PODXL: variants seen among roughly 807,000 people sequenced by gnomAD.
PODXL encodes the protein podocalyxin.
A neutral mutation model predicts 48.9 loss-of-function variants in PODXL; 20 were observed. The ratio of observed to expected loss-of-function variants is 0.41; its 90% CI spans 0.29 to 0.59. The LOEUF (loss-of-function observed/expected upper bound fraction) is 0.59. Among genes scored for constraint, PODXL ranks in the 20% least tolerant of loss-of-function variants. PODXL has a pLI of 0.31. For synonymous variants in PODXL, 295 were observed against 287.4 expected, an observed-to-expected ratio of 1.03 and a Z score of -0.27; for missense variants, 606 against 675.1, an observed-to-expected ratio of 0.90 and a Z score of 1.13.
intron 1 of PODXL, among the ~76,000 whole-genome samples, chr7:131,532,412 G>A (rs1798294989): frequency 6.7e-6 from 1 of 149,610 alleles, no homozygotes; most frequent in Non-Finnish European, 1.5e-5. Context: ...CTCCAGCCTG[G>A]GCGACAAAGC....
At chr7:131,534,526 CG>C (rs1427979397) in intron 1 of PODXL, among the ~76,000 whole-genome samples, 7 of 143,178 alleles carry the variant, frequency 4.9e-5, no homozygotes, top group African/African-American at 1.8e-4. Context: ...GGGTGGCCGG[CG>C]GGGGTAGGCA....
rs540443512 is a variant in PODXL at position 131,505,828 on chromosome 7, C to CT, written c.1479+39dup. The CT allele has an allele frequency of 2.4e-3, 3,708 of 1,525,520 alleles. 7 individuals are homozygous for CT. Among genetic ancestry groups the CT allele is most frequent in the Non-Finnish European group, 2.6e-3 (2,958 of 1,135,126 alleles). The allele number at this position is 1,525,520 out of a possible 1,614,324, so 94.5% of individuals were successfully genotyped here. On this transcript the variant is annotated intron_variant, in intron 8 of 8. Transcript: ENST00000378555. Reference sequence around the variant, plus strand: ...ACGAGGGGAGGGTTCCTCTGGTGACCTGGGCTGCTTCCCCTGTGTGGCTGC... The same window carrying CT: ...ACGAGGGGAGGGTTCCTCTGGTGACCTTGGGCTGCTTCCCCTGTGTGGCTGC...
intron 1 of PODXL, among the ~76,000 whole-genome samples, chr7:131,542,675 A>T (rs1798502179): frequency 6.6e-6 from 1 of 152,136 alleles, no homozygotes; most frequent in Non-Finnish European, 1.5e-5. Context: ...CAACAGCAAT[A>T]ACAGCAACAA....
At chr7:131,517,348 T>C (rs1283473608) in intron 1 of PODXL, among the ~76,000 whole-genome samples, 1 of 152,182 alleles carries the variant, frequency 6.6e-6, no homozygotes, top group East Asian at 1.9e-4. Context: ...GTGTGCTCTT[T>C]AGGATCAGAA....
At chr7:131,523,952 C>T (rs1562909483) in intron 1 of PODXL, among the ~76,000 whole-genome samples, 1 of 151,606 alleles carries the variant, frequency 6.6e-6, no homozygotes. Flanking sequence ...GTGCACGCCA[C>T]CACGCCCAGT....
Position 131,501,577 on chromosome 7 carries a change from C to G in PODXL, c.*2734G>C, listed in dbSNP as rs1045046. 57,025 of 152,044 alleles carry G rather than the reference C, an allele frequency of 0.38. 10,851 individuals are homozygous for G. The highest frequency in any genetic ancestry group is 0.48 in the East Asian group (2,484 of 5,178). The allele number at this position is 152,044 out of a possible 1,614,324, so 9.4% of individuals were successfully genotyped here. Reference sequence around the variant, plus strand: ...AAGCTTTGCTGCCTGTCTCCCCACTCTCATGACAGTAGGCTTCCTAGTCAT... The same window carrying G: ...AAGCTTTGCTGCCTGTCTCCCCACTGTCATGACAGTAGGCTTCCTAGTCAT... On this transcript the variant is annotated 3_prime_UTR_variant, in exon 9 of 9. Coordinates refer to ENST00000378555, the MANE Select transcript of PODXL (RefSeq NM_001018111.3).
rs1354412877 is a variant in PODXL at position 131,538,853 on chromosome 7, A to G, written c.100+17407T>C. On this transcript the variant is annotated intron_variant, in intron 1 of 8. Transcript: ENST00000378555. ...TTGTCTAGGGACCACCAGCCTGCCC[A>G]GAGAAGGGGATGGGTTCTTCCTGAG... 4.6e-5 allele frequency among the ~76,000 whole-genome samples: 7 copies of G among 152,324 alleles called. No homozygotes were observed. The East Asian group carries it at 1.3e-3, about 29-fold the overall frequency.
In PODXL at chr7:131,556,569, G is replaced by A. The variant is rs1798752562; in HGVS notation, c.-210C>T. On this transcript the variant is annotated 5_prime_UTR_variant, in exon 1 of 9. Transcript: ENST00000378555. ...GGGCTGGGGCGCAGAGCCAGTGGCA[G>A]AGGAGCGGCGGCGGCGGCGGCTGCG... 2.1e-6 allele frequency: 1 copy of A among 487,442 alleles called. No individual in the cohort carries two copies. Among genetic ancestry groups the A allele is most frequent in the Non-Finnish European group, 3.1e-6 (1 of 320,648 alleles). 30.2% of individuals were successfully genotyped at this position (487,442 alleles called of 1,614,324 possible).
At chr7:131,509,298 C>T in intron 4 of PODXL, 67 bp downstream of exon 4, 1 of 1,289,116 alleles carries the variant, frequency 7.8e-7, no homozygotes, top group Non-Finnish European at 1.1e-6. Flanking sequence ...GAACAGAAAA[C>T]CTTGTCTTAA....
intron 1 of PODXL, among the ~76,000 whole-genome samples, chr7:131,527,462 CAG>C (rs977808647): frequency 2.0e-5 from 3 of 152,138 alleles, no homozygotes; most frequent in Non-Finnish European, 2.9e-5. Flanking sequence ...TAGGGGGAAA[CAG>C]GGAGATGCAA....
chr7:131,503,433 G>C lies in PODXL; in HGVS notation c.*878C>G, dbSNP rs139152845. On this transcript the variant is annotated 3_prime_UTR_variant, in exon 9 of 9. Coordinates refer to ENST00000378555, the MANE Select transcript of PODXL (RefSeq NM_001018111.3). ...TGGGTGGCCTCTGCAAGGAGTGCCA[G>C]GGGCAATGGGCCAGTGTTCCTGCTG... The C allele has an allele frequency of 7.9e-5, 12 of 152,424 alleles. No individual in the cohort carries two copies. Among genetic ancestry groups the C allele is most frequent in the Non-Finnish European group, 1.8e-4 (12 of 68,106 alleles). The allele number at this position is 152,424 out of a possible 1,614,324, so 9.4% of individuals were successfully genotyped here. A position where few individuals can be genotyped will look rare whatever the true frequency, so the allele number is the denominator to read the frequency against.
chr7:131,524,379 CAGAGAG>C (rs58163575), intron 1 of PODXL, among the ~76,000 whole-genome samples: 4,058 of 104,084 alleles, frequency 0.039, 160 homozygotes, highest in East Asian at 0.2. Context: ...CACACACACA[CAGAGAG>C]AGAGAGAGAG....
Position 131,500,850 on chromosome 7 carries a change from T to C in PODXL, c.*3461A>G, listed in dbSNP as rs1318968691. On this transcript the variant is annotated 3_prime_UTR_variant, in exon 9 of 9. Transcript: ENST00000378555. ...TAGCAATTCTTAATTTACCGATTAT[T>C]CCTTCTGAGGCGCACAGTCTGTGGA... 1 of 152,212 alleles carries C rather than the reference T, an allele frequency of 6.6e-6. No homozygotes were observed. Among genetic ancestry groups the C allele is most frequent in the African/African-American group, 2.4e-5 (1 of 41,444 alleles). 9.4% of individuals were successfully genotyped at this position (152,212 alleles called of 1,614,324 possible).
At chr7:131,507,899 C>T (rs1352379642) in intron 5 of PODXL, among the ~76,000 whole-genome samples, 2 of 152,180 alleles carry the variant, frequency 1.3e-5, no homozygotes, top group African/African-American at 4.8e-5. Context: ...ATAATGGACA[C>T]CCAAAAGAAA....
intron 1 of PODXL, among the ~76,000 whole-genome samples, chr7:131,555,613 G>A (rs866026113): frequency 6.6e-6 from 1 of 152,208 alleles, no homozygotes; most frequent in African/African-American, 2.4e-5. Flanking sequence ...AGAAGCGATT[G>A]TTTTAGGGAC....
intron 8 of PODXL, 27 bp downstream of exon 8, chr7:131,505,841 C>A: frequency 6.5e-7 from 1 of 1,541,624 alleles, no homozygotes; most frequent in Non-Finnish European, 8.7e-7. Flanking sequence ...GGCTGCTTCC[C>A]CTGTGTGGCT....
chr7:131,532,261 C>T (rs1798292594), intron 1 of PODXL, among the ~76,000 whole-genome samples: 1 of 149,852 alleles, frequency 6.7e-6, no homozygotes, highest in Non-Finnish European at 1.5e-5. Context: ...CGGTGAAACC[C>T]CGTCTCTATT....
chr7:131,549,781 T>C (rs1202701672), intron 1 of PODXL, among the ~76,000 whole-genome samples: 1 of 152,242 alleles, frequency 6.6e-6, no homozygotes, highest in Non-Finnish European at 1.5e-5. Flanking sequence ...GCCATGACAA[T>C]TGGTGGACGA....
At chr7:131,516,734 C>CTATT in intron 1 of PODXL, among the ~76,000 whole-genome samples, 1 of 64,618 alleles carries the variant, frequency 1.5e-5, no homozygotes, top group Admixed American at 2.3e-4. Context: ...GCTTTTTTTT[C>CTATT]TCTTTTTTTT....
Sources: allele counts gnomAD v4.1 joint callset (sites outside exome capture counted in the v4.1 genomes callset), GRCh38; gene constraint gnomAD v4.1.1; transcripts MANE v1.5; gene names NCBI Gene and HGNC (gene_info 2026-07-23, HGNC 2026-07-21).